Variants in SLC44A5 observed in about 807,000 individuals in gnomAD.
SLC44A5 encodes solute carrier family 44 member 5.
Under a neutral mutation model 101.8 loss-of-function variants are expected in SLC44A5, and 57 were observed. The observed-to-expected ratio is 0.56, with a 90% CI of 0.45 to 0.70. SLC44A5 has a LOEUF of 0.70. Ranked by LOEUF, SLC44A5 falls within the 30% of genes least tolerant of loss-of-function variation. SLC44A5 has a pLI of 0.00. For missense variants in SLC44A5, 737 were observed against 853.1 expected, an observed-to-expected ratio of 0.86 and a Z score of 1.70; for synonymous variants, 281 against 290.9, an observed-to-expected ratio of 0.97 and a Z score of 0.35.
At chr1:75,309,339 G>A (rs983861445) in intron 4 of SLC44A5, among the ~76,000 whole-genome samples, 1 of 152,086 alleles carries the variant, frequency 6.6e-6, no homozygotes, top group Admixed American at 6.5e-5. Context: ...CAGCTTCTTG[G>A]GAACTTGAGC....
intron 4 of SLC44A5, among the ~76,000 whole-genome samples, chr1:75,308,789 G>A (rs1655092360): frequency 6.6e-6 from 1 of 152,124 alleles, no homozygotes; most frequent in Non-Finnish European, 1.5e-5. Context: ...GCTAAAAAAT[G>A]TTTGTTAAAA....
chr1:75,258,762 C>T (rs1041790550), intron 6 of SLC44A5, among the ~76,000 whole-genome samples: 2 of 152,090 alleles, frequency 1.3e-5, no homozygotes, highest in Admixed American at 1.3e-4. Context: ...CCAATAGACA[C>T]CTCATACAGG....
At chr1:75,257,319 A>G (rs944483379) in intron 6 of SLC44A5, among the ~76,000 whole-genome samples, 2 of 152,174 alleles carry the variant, frequency 1.3e-5, no homozygotes, top group East Asian at 3.9e-4. Flanking sequence ...AAGGCTTAAA[A>G]GGGAGGGACT....
chr1:75,307,197 G>A (rs886277667), intron 4 of SLC44A5, among the ~76,000 whole-genome samples: 1 of 152,180 alleles, frequency 6.6e-6, no homozygotes, highest in Non-Finnish European at 1.5e-5. Context: ...ACTGTCCACT[G>A]CCTGTGATTC....
At chr1:75,508,993 A>G (rs1478013173) in intron 2 of SLC44A5, among the ~76,000 whole-genome samples, 1 of 152,242 alleles carries the variant, frequency 6.6e-6, no homozygotes, top group East Asian at 1.9e-4. Flanking sequence ...ACACGTCATG[A>G]TGACAATGAC....
At chr1:75,677,470 T>C in the SLC44A5 span, among the ~76,000 whole-genome samples, 1 of 151,824 alleles carries the variant, frequency 6.6e-6, no homozygotes, top group Non-Finnish European at 1.5e-5. Flanking sequence ...TTTAAAAACA[T>C]AAAACAGATA....
intron 1 of SLC44A5, chr1:75,582,182 C>G (rs1230709700): frequency 3.5e-6 from 3 of 852,692 alleles, no homozygotes; most frequent in Non-Finnish European, 6.0e-6. Flanking sequence ...CACAAAGATA[C>G]GAATCTCTTA....
Position 75,606,258 on chromosome 1 carries a change from C to CT in SLC44A5, c.-70+4781dup, listed in dbSNP as rs202050605. On this transcript the variant is annotated intron_variant, in intron 1 of 23. Coordinates refer to ENST00000370859, the MANE Select transcript of SLC44A5 (RefSeq NM_001130058.2). Reference sequence around the variant, plus strand: ...TGTCAGAAAATCCATTTCTATACCTCTCTTAATACTCCATTTAATATTTCT... The same window carrying CT: ...TGTCAGAAAATCCATTTCTATACCTCTTCTTAATACTCCATTTAATATTTCT... Among the ~76,000 whole-genome samples the CT allele has an allele frequency of 1.2e-4, 18 of 152,034 alleles. No individual in the cohort carries two copies. In the East Asian group the frequency reaches 3.5e-3, roughly 29 times the overall value.
At chr1:75,253,492 A>G (rs970553533) in intron 6 of SLC44A5, among the ~76,000 whole-genome samples, 40 of 152,216 alleles carry the variant, frequency 2.6e-4, no homozygotes, top group Non-Finnish European at 2.4e-4. Context: ...TGGCTGAAGA[A>G]GCTGTTTATA....
At chr1:75,374,793 A>G (rs2101195436) in intron 3 of SLC44A5, among the ~76,000 whole-genome samples, 1 of 152,308 alleles carries the variant, frequency 6.6e-6, no homozygotes, top group Admixed American at 6.5e-5. Context: ...AGCACATAGA[A>G]ATGAAGCCAG....
At chr1:75,634,645 C>T in the SLC44A5 span, among the ~76,000 whole-genome samples, 2 of 151,022 alleles carry the variant, frequency 1.3e-5, no homozygotes, top group Non-Finnish European at 2.9e-5. Flanking sequence ...TTCCTTACAC[C>T]TTATACAAAA....
the SLC44A5 span, among the ~76,000 whole-genome samples, chr1:75,718,057 T>TA: frequency 6.6e-6 from 1 of 152,138 alleles, no homozygotes; most frequent in Non-Finnish European, 1.5e-5. Context: ...CACAAAAATG[T>TA]AAAGATTGAT....
chr1:75,313,053 C>A (rs753827708), intron 4 of SLC44A5, among the ~76,000 whole-genome samples: 16 of 152,112 alleles, frequency 1.1e-4, no homozygotes, highest in African/African-American at 1.7e-4. Context: ...GACCAGGATG[C>A]AGAATGAATT....
chr1:75,211,570 A>G lies in SLC44A5; in HGVS notation c.1963-18T>C. 6.4e-7 allele frequency: 1 copy of G among 1,551,646 alleles called. No individual in the cohort carries two copies. Among genetic ancestry groups the G allele is most frequent in the Non-Finnish European group, 8.9e-7 (1 of 1,124,386 alleles). On this transcript the variant is annotated intron_variant, in intron 22 of 23. Coordinates refer to ENST00000370859, the MANE Select transcript of SLC44A5 (RefSeq NM_001130058.2). The stretch of plus-strand genomic sequence containing the variant: ...ATGACTGTCTGTAAATGGATGAAGA[A>G]GAGAACCAACATGTCATTTACTTTG...
chr1:75,619,861 C>G, the SLC44A5 span, among the ~76,000 whole-genome samples: 1 of 152,046 alleles, frequency 6.6e-6, no homozygotes. Context: ...ACTTTAAGTT[C>G]TGGGATACAT....
chr1:75,678,199 A>T, the SLC44A5 span, among the ~76,000 whole-genome samples: 44,675 of 152,080 alleles, frequency 0.29, 6,779 homozygotes, highest in Non-Finnish European at 0.33. Context: ...GCGCCCACCA[A>T]TGCCCAGGCT....
At chr1:75,583,819 A>T (rs1439734858) in intron 1 of SLC44A5, among the ~76,000 whole-genome samples, 1 of 152,216 alleles carries the variant, frequency 6.6e-6, no homozygotes, top group Non-Finnish European at 1.5e-5. Context: ...GCTTCCCAAC[A>T]TGTGATTTGG....
chr1:75,657,301 C>G, the SLC44A5 span, among the ~76,000 whole-genome samples: 1 of 152,082 alleles, frequency 6.6e-6, no homozygotes, highest in African/African-American at 2.4e-5. Context: ...GTAATACCAG[C>G]ACTTTTGGAG....
intron 2 of SLC44A5, among the ~76,000 whole-genome samples, chr1:75,516,860 C>A (rs1452819633): frequency 6.6e-6 from 1 of 152,182 alleles, no homozygotes; most frequent in Non-Finnish European, 1.5e-5. Flanking sequence ...CATTTAAAAT[C>A]TATTTCAAAG....
Sources: allele counts gnomAD v4.1 joint callset (sites outside exome capture counted in the v4.1 genomes callset), GRCh38; gene constraint gnomAD v4.1.1; transcripts MANE v1.5; gene names NCBI Gene and HGNC (gene_info 2026-07-23, HGNC 2026-07-21).